Variants in TSC22D1 observed in about 807,000 individuals in gnomAD.
TSC22D1 encodes TSC22 domain family protein 1.
In TSC22D1, 9 loss-of-function variants were observed where a neutral mutation model predicts 74.2. The ratio of observed to expected loss-of-function variants is 0.12; its 90% CI spans 0.07 to 0.21. TSC22D1 has a LOEUF of 0.21. Ranked by LOEUF, TSC22D1 falls within the 10% of genes least tolerant of loss-of-function variation. TSC22D1 has a pLI of 1.00. For synonymous variants in TSC22D1, 586 were observed against 492.5 expected (o/e 1.19, Z -2.51); for missense variants, 1,427 against 1,304.7 (o/e 1.09, Z -1.44).
intron 1 of TSC22D1, among the ~76,000 whole-genome samples, chr13:44,515,171 G>A (rs969208778): frequency 1.7e-4 from 26 of 152,018 alleles, no homozygotes; most frequent in Admixed American, 1.1e-3. Context: ...AGACAGGAAC[G>A]ACACCTGTAC....
chr13:44,436,681 CTTGT>C, intron 1 of TSC22D1: 1 of 1,557,104 alleles, frequency 6.4e-7, no homozygotes, highest in Non-Finnish European at 8.6e-7. Context: ...CACCAGCAGC[CTTGT>C]ATAAGCTAGA....
chr13:44,542,758 A>T (rs1340779975), intron 1 of TSC22D1, among the ~76,000 whole-genome samples: 2 of 152,112 alleles, frequency 1.3e-5, no homozygotes, highest in South Asian at 4.1e-4. Context: ...TGAATTTGAT[A>T]ATGTATCATT....
At chr13:44,576,335 T>A, upstream of TSC22D1, 1 of 482,152 alleles carries the variant, frequency 2.1e-6, no homozygotes, top group Non-Finnish European at 3.7e-6. Context: ...CACTTTCCCC[T>A]CTAGCCTCAC....
intron 1 of TSC22D1, among the ~76,000 whole-genome samples, chr13:44,478,487 T>G (rs1406129069): frequency 6.6e-6 from 1 of 152,188 alleles, no homozygotes; most frequent in African/African-American, 2.4e-5. Context: ...GGCAGTCTGA[T>G]GCCAGAGTGT....
intron 1 of TSC22D1, among the ~76,000 whole-genome samples, chr13:44,510,942 G>A (rs577859484): frequency 2.0e-5 from 3 of 152,268 alleles, no homozygotes; most frequent in African/African-American, 7.2e-5. Context: ...TGAAGAACTC[G>A]TGGTAATTTG....
chr13:44,484,630 A>C (rs547382850), intron 1 of TSC22D1, among the ~76,000 whole-genome samples: 1 of 152,342 alleles, frequency 6.6e-6, no homozygotes, highest in South Asian at 2.1e-4. Flanking sequence ...CATGATAAAC[A>C]TATTTAACAA....
At chr13:44,451,695 G>C (rs148757743) in intron 1 of TSC22D1, among the ~76,000 whole-genome samples, 2 of 152,286 alleles carry the variant, frequency 1.3e-5, no homozygotes, top group East Asian at 3.9e-4. Context: ...TAAGCAAATG[G>C]CTCTGGAGGG....
intron 1 of TSC22D1, among the ~76,000 whole-genome samples, chr13:44,493,881 AC>A (rs1185341025): frequency 6.6e-6 from 1 of 152,090 alleles, no homozygotes; most frequent in East Asian, 1.9e-4. Flanking sequence ...CCACAAGCTA[AC>A]AAACAGACAC....
intron 1 of TSC22D1, among the ~76,000 whole-genome samples, chr13:44,495,498 T>C (rs918361304): frequency 5.3e-5 from 8 of 152,156 alleles, no homozygotes; most frequent in Non-Finnish European, 8.8e-5. Context: ...AAGGTAACTG[T>C]ATAGATAAAT....
chr13:44,516,791 C>T (rs967156513), intron 1 of TSC22D1, among the ~76,000 whole-genome samples: 2 of 152,178 alleles, frequency 1.3e-5, no homozygotes, highest in Admixed American at 6.6e-5. Flanking sequence ...TAATTCCCTT[C>T]ATTTCTCCTC....
intron 1 of TSC22D1, among the ~76,000 whole-genome samples, chr13:44,441,169 A>ATCTCCAAG (rs1206730518): frequency 6.6e-6 from 1 of 152,102 alleles, no homozygotes; most frequent in Admixed American, 6.5e-5. Context: ...TCTCAGGGGG[A>ATCTCCAAG]CTGCTGCTGG....
chr13:44,574,746 C>T lies in TSC22D1; in HGVS notation c.1329G>A (p.Leu443=), dbSNP rs756391134. The T allele has an allele frequency of 8.7e-6, 14 of 1,614,112 alleles. No individual in the cohort carries two copies. In the South Asian group the frequency reaches 1.2e-4, roughly 14 times the overall value. Residue 443 remains leucine, a synonymous_variant, in exon 1 of 3, where the codon CTG becomes CTA. Transcript: ENST00000458659. ...TTACAGTCTCCACCACTTTATTTAT[C>T]AGCACACCTTCTGTAGCAGGTACAG... The part of the protein sequence containing the change: ...ENAVPATEGV[L]INKVVETVKQ...
intron 1 of TSC22D1, among the ~76,000 whole-genome samples, chr13:44,448,892 C>CGTGTGTGTGT (rs4053650): frequency 2.7e-5 from 4 of 150,080 alleles, no homozygotes; most frequent in African/African-American, 9.8e-5. Context: ...ATTCTAGATC[C>CGTGTGTGTGT]GTGTGTGTGT....
chr13:44,434,984 C>G, intron 2 of TSC22D1, 101 bp from the exon 3 acceptor site: 2 of 1,013,698 alleles, frequency 2.0e-6, no homozygotes, highest in Non-Finnish European at 2.9e-6. Context: ...TAACTATTTA[C>G]ATATTCCACC....
chr13:44,495,176 A>G (rs967920976), intron 1 of TSC22D1, among the ~76,000 whole-genome samples: 5 of 152,146 alleles, frequency 3.3e-5, no homozygotes, highest in African/African-American at 1.2e-4. Flanking sequence ...TAGACAGAAA[A>G]GGAAAGAATT....
chr13:44,503,561 T>G (rs1879310393), intron 1 of TSC22D1, among the ~76,000 whole-genome samples: 1 of 152,198 alleles, frequency 6.6e-6, no homozygotes, highest in Non-Finnish European at 1.5e-5. Flanking sequence ...GTCCCAATAG[T>G]TTTCTTCAAT....
chr13:44,516,654 CA>C (rs1447792979), intron 1 of TSC22D1, among the ~76,000 whole-genome samples: 1 of 152,086 alleles, frequency 6.6e-6, no homozygotes, highest in Admixed American at 6.6e-5. Flanking sequence ...TTAAAATTAG[CA>C]AAATGTATAA....
chr13:44,532,393 T>C (rs943879409), intron 1 of TSC22D1, among the ~76,000 whole-genome samples: 3 of 152,212 alleles, frequency 2.0e-5, no homozygotes, highest in African/African-American at 4.8e-5. Flanking sequence ...TCACGTGTTA[T>C]AAGCCCAGGC....
Position 44,574,606 on chromosome 13 carries a change from C to T in TSC22D1, c.1469G>A (p.Gly490Glu), listed in dbSNP as rs758042703. 11 of 1,613,982 alleles carry T rather than the reference C, an allele frequency of 6.8e-6. No individual in the cohort carries two copies. In the Admixed American group the frequency reaches 1.7e-4, roughly 24 times the overall value. Residue 490 changes from glycine (G) to glutamate (E), a missense_variant, in exon 1 of 3, where the codon GGA becomes GAA. This residue lies in a region of TSC22D1 where 1,343 missense variants were observed against 1,191.5 expected (regional missense o/e 1.13). Transcript: ENST00000458659. The part of the protein sequence containing the change: ...YTESVGSGEM[G>E]APTVVVQQQQ... ...CTGCTGCACCACCACAGTAGGGGCTCCCATCTCTCCACTTCCCACACTCTC... is the reference window on the plus strand; with the variant it reads ...CTGCTGCACCACCACAGTAGGGGCTTCCATCTCTCCACTTCCCACACTCTC...
Sources: allele counts gnomAD v4.1 joint callset (sites outside exome capture counted in the v4.1 genomes callset), GRCh38; gene constraint gnomAD v4.1.1; regional missense constraint gnomAD v4.1.1; transcripts MANE v1.5; gene names NCBI Gene and HGNC (gene_info 2026-07-23, HGNC 2026-07-21).